Variants in WDFY4 observed in about 807,000 individuals in gnomAD.
The protein encoded by WDFY4 is WDFY family member 4, also known as WD repeat- and FYVE domain-containing protein 4.
WDFY4 carries 169 observed loss-of-function variants against 351.9 expected under a neutral mutation model. The ratio of observed to expected loss-of-function variants is 0.48; its 90% confidence interval spans 0.42 to 0.55. The LOEUF (loss-of-function observed/expected upper bound fraction) is 0.55, where lower values mean the gene tolerates loss of function less well. WDFY4 is among the 20% of genes least tolerant of loss of function. WDFY4 has a pLI of 0.00. For synonymous variants in WDFY4, 1,622 were observed against 1,574.6 expected, an observed-to-expected ratio of 1.03 and a Z score of -0.71; for missense variants, 3,803 against 3,935.6, an observed-to-expected ratio of 0.97 and a Z score of 0.90.
At chr10:48,787,930 CTTCTTCTTCTTCTTCTT>C (rs2066517223) in intron 20 of WDFY4, among the ~76,000 whole-genome samples, 8 of 89,244 alleles carry the variant, frequency 9.0e-5, no homozygotes, top group South Asian at 4.3e-4. Flanking sequence ...TCTTCTTCTT[CTTCTTCTTCTTCTTCTT>C]CTTCTTCTTC....
intron 47 of WDFY4, among the ~76,000 whole-genome samples, chr10:48,911,853 G>T (rs558874704): frequency 6.6e-6 from 1 of 152,296 alleles, no homozygotes; most frequent in East Asian, 1.9e-4. Context: ...GATCTCCCAA[G>T]GTTTTAGAAA....
chr10:48,896,595 G>A (rs1837089605), intron 44 of WDFY4, among the ~76,000 whole-genome samples: 1 of 151,962 alleles, frequency 6.6e-6, no homozygotes, highest in Non-Finnish European at 1.5e-5. Flanking sequence ...CAGGCGCTGT[G>A]CAGATGAGCT....
chr10:48,869,514 C>G (rs1383013695), intron 40 of WDFY4, among the ~76,000 whole-genome samples: 2 of 150,652 alleles, frequency 1.3e-5, no homozygotes, highest in African/African-American at 4.9e-5. Flanking sequence ...CAACAGCAAA[C>G]ATTGCAATTC....
chr10:48,762,410 G>T (rs2065536119), intron 13 of WDFY4, among the ~76,000 whole-genome samples: 1 of 152,220 alleles, frequency 6.6e-6, no homozygotes, highest in East Asian at 1.9e-4. Context: ...GTGCTGTGAA[G>T]CCAATGGCAG....
intron 13 of WDFY4, among the ~76,000 whole-genome samples, chr10:48,762,585 T>C (rs533135236): frequency 3.9e-5 from 6 of 152,208 alleles, no homozygotes; most frequent in Non-Finnish European, 7.4e-5. Context: ...GGGTTGAACC[T>C]CCCAGGATGA....
rs1277114220 is a variant in WDFY4 at position 48,803,702 on chromosome 10, A to C, written c.4484+343A>C. ...GCTCTTTTACCCTTCAAGTGGTAGA[A>C]ATACAACTCAAACCAGCTTAAGGGA... On this transcript the variant is annotated intron_variant, in intron 25 of 61. Coordinates refer to ENST00000325239, the MANE Select transcript of WDFY4 (RefSeq NM_001394531.1). 2.6e-5 allele frequency among the ~76,000 whole-genome samples: 4 copies of C among 152,374 alleles called. No individual in the cohort carries two copies. In the South Asian group the frequency reaches 6.2e-4, roughly 24 times the overall value.
chr10:48,972,127 C>T (rs746468723), intron 57 of WDFY4, among the ~76,000 whole-genome samples: 2 of 152,196 alleles, frequency 1.3e-5, no homozygotes, highest in Non-Finnish European at 2.9e-5. Flanking sequence ...GGGAATCCCA[C>T]ATGCTCTTAT....
chr10:48,771,538 G>A (rs1402482057), intron 13 of WDFY4, among the ~76,000 whole-genome samples: 1 of 152,162 alleles, frequency 6.6e-6, no homozygotes, highest in East Asian at 1.9e-4. Flanking sequence ...AAATACCCAG[G>A]AAATATTCTC....
At chr10:48,766,171 A>T (rs1334212269) in intron 13 of WDFY4, among the ~76,000 whole-genome samples, 1 of 152,242 alleles carries the variant, frequency 6.6e-6, no homozygotes, top group Admixed American at 6.5e-5. Context: ...TCCCAAATAC[A>T]TTCAAAATCT....
intron 12 of WDFY4, among the ~76,000 whole-genome samples, chr10:48,745,248 T>C (rs2064973930): frequency 6.6e-6 from 1 of 152,242 alleles, no homozygotes; most frequent in Non-Finnish European, 1.5e-5. Flanking sequence ...TCATCTTTGC[T>C]ATTTACTTCT....
At chr10:48,838,147 G>A (rs982073795) in intron 39 of WDFY4, among the ~76,000 whole-genome samples, 10 of 152,316 alleles carry the variant, frequency 6.6e-5, no homozygotes, top group African/African-American at 1.9e-4. Flanking sequence ...AGGATGATCC[G>A]CTGGAATTGC....
chr10:48,778,872 G>C (rs1246622042), intron 18 of WDFY4, 40 bp downstream of exon 18: 1 of 1,539,102 alleles, frequency 6.5e-7, no homozygotes, highest in African/African-American at 1.4e-5. Context: ...ATCCACATGT[G>C]GGGGAAATGG....
chr10:48,897,499 C>T lies in WDFY4; in HGVS notation c.7362C>T (p.Ser2454=). 6.4e-7 allele frequency: 1 copy of T among 1,551,680 alleles called. No homozygotes were observed. The highest frequency in any genetic ancestry group is 1.7e-4 in the Middle Eastern group (1 of 5,992). Residue 2454 remains serine (S), a synonymous_variant, in exon 45 of 62, where the codon TCC becomes TCT. Coordinates refer to ENST00000325239, the MANE Select transcript of WDFY4 (RefSeq NM_001394531.1). ...TCAACCTGTGCAGCAAAGACAGGTC[C>T]ACTGACCATTACTCGTGCCAGTGCC... ...FIFNLCSKDR[S]TDHYSCQCHS...
intron 9 of WDFY4, among the ~76,000 whole-genome samples, chr10:48,732,405 A>C (rs2064494654): frequency 1.3e-5 from 2 of 152,108 alleles, no homozygotes; most frequent in Admixed American, 1.3e-4. Context: ...CTGGATGCTT[A>C]CTCTGCCCAC....
intron 57 of WDFY4, among the ~76,000 whole-genome samples, chr10:48,974,512 A>AG (rs1842465405): frequency 4.9e-5 from 1 of 20,338 alleles, no homozygotes; most frequent in Non-Finnish European, 4.5e-4. Flanking sequence ...CAAAAAAAAA[A>AG]AAAAAAAAAA....
rs560026117 is a variant in WDFY4, at chr10:48,709,608, C to G, written c.-17-108C>G. The G allele has an allele frequency of 1.4e-4, 130 of 942,746 alleles. No individual in the cohort carries two copies. The African/African-American group carries it at 2.0e-3, about 14-fold the overall frequency. The allele number at this position is 942,746 out of a possible 1,614,324, so 58.4% of individuals were successfully genotyped here. On this transcript the variant is annotated intron_variant, in intron 1 of 61. Coordinates refer to ENST00000325239, the MANE Select transcript of WDFY4 (RefSeq NM_001394531.1). ...AGTCTGTTTCAGATTCTTAGGGGAA[C>G]CATTTTCAATAGAAACTGGGCTGAG...
At chr10:48,699,635 C>T (rs1300480788) in intron 1 of WDFY4, among the ~76,000 whole-genome samples, 3 of 152,182 alleles carry the variant, frequency 2.0e-5, no homozygotes, top group Non-Finnish European at 4.4e-5. Context: ...GTCTTGGAGT[C>T]ATCATGCAGG....
chr10:48,947,993 C>A (rs1841136668), intron 51 of WDFY4, among the ~76,000 whole-genome samples: 1 of 152,118 alleles, frequency 6.6e-6, no homozygotes, highest in African/African-American at 2.4e-5. Context: ...TGGGACTGAC[C>A]TCACCTGTGA....
chr10:48,838,945 G>C (rs1490251758), intron 39 of WDFY4, among the ~76,000 whole-genome samples: 2 of 152,130 alleles, frequency 1.3e-5, no homozygotes, highest in Non-Finnish European at 2.9e-5. Flanking sequence ...ATGAGAGGAG[G>C]GTCTTGCTGA....
Sources: gnomAD v4.1 joint callset for allele counts (sites outside exome capture counted in the v4.1 genomes callset) on GRCh38, gnomAD v4.1.1 for gene constraint, MANE v1.5 for transcripts, NCBI Gene and HGNC (gene_info 2026-07-23, HGNC 2026-07-21) for gene names.